The following TNFSF4 variants were observed in gnomAD, a reference collection of about 807,000 sequenced individuals.
The protein encoded by TNFSF4 is TNF superfamily member 4.
A neutral mutation model predicts 7.3 loss-of-function variants in TNFSF4; 4 were observed. The ratio of observed to expected loss-of-function variants is 0.55; its 90% confidence interval spans 0.27 to 1.25. TNFSF4 has a LOEUF of 1.25. TNFSF4 is among the 50% of genes most tolerant of loss of function. TNFSF4 has a pLI of 0.12. For synonymous variants in TNFSF4, 76 were observed against 83.7 expected (o/e 0.91, Z 0.50); for missense variants, 181 against 208.8 (o/e 0.87, Z 0.82).
chr1:173,430,631 G>A, the TNFSF4 span, among the ~76,000 whole-genome samples: 4 of 152,102 alleles, frequency 2.6e-5, no homozygotes, highest in African/African-American at 9.7e-5. Context: ...AGCAAATAGG[G>A]CTCCATTTAA....
chr1:173,261,641 G>C, the TNFSF4 span, among the ~76,000 whole-genome samples: 5 of 152,068 alleles, frequency 3.3e-5, no homozygotes, highest in Non-Finnish European at 5.9e-5. Flanking sequence ...AAATGATAAA[G>C]AGGATATCAC....
chr1:173,343,794 G>C, the TNFSF4 span, among the ~76,000 whole-genome samples: 5 of 152,174 alleles, frequency 3.3e-5, no homozygotes, highest in Non-Finnish European at 1.5e-5. Context: ...TGGATGGGTG[G>C]ATGCATGGAT....
the TNFSF4 span, among the ~76,000 whole-genome samples, chr1:173,269,733 T>A: frequency 6.6e-6 from 1 of 152,158 alleles, no homozygotes; most frequent in Admixed American, 6.6e-5. Flanking sequence ...GAATTGTTTA[T>A]TTGTGCAATT....
At position 173,186,423 on chromosome 1, in the gene TNFSF4, G is replaced by T; in HGVS notation, c.*93C>A. The T allele has an allele frequency of 9.5e-7, 1 of 1,049,620 alleles. No homozygotes were observed. The allele number at this position is 1,049,620 out of a possible 1,614,324, so 65.0% of individuals were successfully genotyped here. On this transcript the variant is annotated 3_prime_UTR_variant, in exon 3 of 3. Coordinates refer to ENST00000281834, the MANE Select transcript of TNFSF4 (RefSeq NM_003326.5). Reference sequence around the variant, plus strand: ...CACATCCCACGTGGCTGAGCTGGGAGGCTCCTTCACTTGCAATGAAGAATC... The same window carrying T: ...CACATCCCACGTGGCTGAGCTGGGATGCTCCTTCACTTGCAATGAAGAATC...
the TNFSF4 span, among the ~76,000 whole-genome samples, chr1:173,368,723 C>A: frequency 6.6e-6 from 1 of 152,132 alleles, no homozygotes; most frequent in Admixed American, 6.5e-5. Flanking sequence ...GTTGACCCTG[C>A]AGCCATGAGC....
chr1:173,442,281 C>T, the TNFSF4 span, among the ~76,000 whole-genome samples: 1 of 152,086 alleles, frequency 6.6e-6, no homozygotes, highest in African/African-American at 2.4e-5. Flanking sequence ...AGACCAGGAC[C>T]GCCAGGATCA....
the TNFSF4 span, among the ~76,000 whole-genome samples, chr1:173,395,069 A>G: frequency 6.6e-6 from 1 of 151,728 alleles, no homozygotes; most frequent in African/African-American, 2.4e-5. Flanking sequence ...ATAGATAGAT[A>G]GATAGATAGC....
At chr1:173,378,248 G>C in the TNFSF4 span, among the ~76,000 whole-genome samples, 1 of 151,064 alleles carries the variant, frequency 6.6e-6, no homozygotes, top group Admixed American at 6.6e-5. Context: ...TTCTGCTACT[G>C]CATCAGTGAG....
chr1:173,223,413 A>T, the TNFSF4 span, among the ~76,000 whole-genome samples: 2 of 152,106 alleles, frequency 1.3e-5, no homozygotes, highest in Non-Finnish European at 2.9e-5. Context: ...CCACCACTCT[A>T]GAAAAGAATA....
chr1:173,183,299 A>T (rs374753627), downstream of TNFSF4, among the ~76,000 whole-genome samples: 7 of 152,182 alleles, frequency 4.6e-5, no homozygotes, highest in Admixed American at 2.0e-4. Flanking sequence ...TTTAAGGAGG[A>T]CAACGTCATC....
At chr1:173,259,317 A>T in the TNFSF4 span, among the ~76,000 whole-genome samples, 1 of 129,174 alleles carries the variant, frequency 7.7e-6, no homozygotes, top group Non-Finnish European at 1.7e-5. Context: ...TCAACAAAAA[A>T]GACCCCAAAA....
At chr1:173,429,210 A>T in the TNFSF4 span, among the ~76,000 whole-genome samples, 11 of 151,092 alleles carry the variant, frequency 7.3e-5, no homozygotes, top group South Asian at 6.3e-4. Context: ...ACATTTCTTT[A>T]AAAAAAAAGA....
the TNFSF4 span, among the ~76,000 whole-genome samples, chr1:173,248,610 C>A: frequency 2.6e-4 from 39 of 152,086 alleles, 1 homozygote; most frequent in Admixed American, 6.5e-5. Flanking sequence ...GGGAGAGAGA[C>A]CTTTTCAAGA....
At chr1:173,422,564 G>C in the TNFSF4 span, among the ~76,000 whole-genome samples, 1 of 152,132 alleles carries the variant, frequency 6.6e-6, no homozygotes, top group Non-Finnish European at 1.5e-5. Flanking sequence ...AATGAGGTCA[G>C]GGAAACTTCA....
At chr1:173,282,299 T>C in the TNFSF4 span, among the ~76,000 whole-genome samples, 1 of 152,006 alleles carries the variant, frequency 6.6e-6, no homozygotes, top group African/African-American at 2.4e-5. Context: ...AAATATCATA[T>C]GCACCCCATA....
the TNFSF4 span, among the ~76,000 whole-genome samples, chr1:173,382,230 C>G: frequency 6.6e-6 from 1 of 152,144 alleles, no homozygotes; most frequent in Non-Finnish European, 1.5e-5. Context: ...GACGCACCAC[C>G]TTTAAGAGCT....
At chr1:173,214,293 A>C in the TNFSF4 span, among the ~76,000 whole-genome samples, 1 of 152,186 alleles carries the variant, frequency 6.6e-6, no homozygotes, top group Non-Finnish European at 1.5e-5. Flanking sequence ...CTGGTATCCG[A>C]ATCCAGCTTT....
At chr1:173,290,998 T>A in the TNFSF4 span, among the ~76,000 whole-genome samples, 1 of 152,122 alleles carries the variant, frequency 6.6e-6, no homozygotes, top group Non-Finnish European at 1.5e-5. Context: ...AGAACAAAAT[T>A]AAGGCAGTAT....
the TNFSF4 span, among the ~76,000 whole-genome samples, chr1:173,391,306 T>TTCTC: frequency 1.4e-4 from 8 of 58,164 alleles, 1 homozygote; most frequent in East Asian, 3.4e-3. Context: ...TTCTCTTTCT[T>TTCTC]TCTGTCTCTC....
Sources: gnomAD v4.1 joint callset for allele counts (sites outside exome capture counted in the v4.1 genomes callset) on GRCh38, gnomAD v4.1.1 for gene constraint, MANE v1.5 for transcripts, NCBI Gene and HGNC (gene_info 2026-07-23, HGNC 2026-07-21) for gene names.